Variants in USP36 observed in about 807,000 individuals in gnomAD.
USP36 encodes the protein ubiquitin specific peptidase 36, also known as ubiquitin carboxyl-terminal hydrolase 36.
USP36 carries 59 observed loss-of-function variants against 111.5 expected under a neutral mutation model. The ratio of observed to expected loss-of-function variants is 0.53; its 90% CI spans 0.43 to 0.66. The LOEUF (loss-of-function observed/expected upper bound fraction) is 0.66. Among genes scored for constraint, USP36 ranks in the 30% least tolerant of loss-of-function variants. USP36 has a pLI of 0.00. For synonymous variants in USP36, 628 were observed against 581.0 expected, an observed-to-expected ratio of 1.08 and a Z score of -1.16; for missense variants, 1,488 against 1,468.0, an observed-to-expected ratio of 1.01 and a Z score of -0.22.
intron 3 of USP36, among the ~76,000 whole-genome samples, chr17:78,789,644 CTG>C (rs1310287061): frequency 6.6e-6 from 1 of 152,212 alleles, no homozygotes; most frequent in South Asian, 2.1e-4. Flanking sequence ...GCAATTTCTT[CTG>C]TGTGTAAATG....
chr17:78,788,947 C>T (rs936748468), intron 3 of USP36, among the ~76,000 whole-genome samples: 2 of 152,066 alleles, frequency 1.3e-5, no homozygotes, highest in Non-Finnish European at 2.9e-5. Flanking sequence ...CGCCTGTAAT[C>T]CCAGCACTTT....
At chr17:78,832,781 T>C (rs1301991020) in intron 4 of USP36, among the ~76,000 whole-genome samples, 2 of 152,120 alleles carry the variant, frequency 1.3e-5, no homozygotes, top group African/African-American at 4.8e-5. Context: ...CAAATCTTAC[T>C]GAAAGTCCAC....
intron 6 of USP36, chr17:78,826,920 C>A (rs924706368): frequency 6.7e-6 from 4 of 595,188 alleles, no homozygotes; most frequent in African/African-American, 5.6e-5. Flanking sequence ...ATGGTAAGAA[C>A]TGAATGCCCC....
At chr17:78,835,032 T>C (rs924258149) in intron 4 of USP36, among the ~76,000 whole-genome samples, 1 of 151,124 alleles carries the variant, frequency 6.6e-6, no homozygotes, top group African/African-American at 2.4e-5. Context: ...GGAAGTATCT[T>C]TTGAAAACGT....
Position 78,803,965 on chromosome 17 carries a change from C to T in USP36, c.2230G>A (p.Ala744Thr). ...TGCAGGCGGCTGGATGATTGGGGAGCAGGTGACACAGCCCTGTGGGGACAG... is the reference window on the plus strand; with the variant it reads ...TGCAGGCGGCTGGATGATTGGGGAGTAGGTGACACAGCCCTGTGGGGACAG... ...PVHRARAVSP[A>T]PQSSSRLQPP... The change falls in exon 16 of 21, where the codon GCT becomes ACT. Residue 744 changes from alanine to threonine, a missense_variant. Ala to Thr is a moderately conservative substitution (Grantham distance 58, BLOSUM62 0). Around this residue, in one of 3 missense-constraint regions of USP36, gnomAD observed 1,073 missense variants for 994.1 expected, o/e 1.08. Transcript: ENST00000449938. The surrounding 1 kb of genome is among the most constrained non-coding windows in gnomAD (Gnocchi z 4.6). 1 of 1,594,888 alleles carries T rather than the reference C, an allele frequency of 6.3e-7. No individual in the cohort carries two copies. The highest frequency in any genetic ancestry group is 2.2e-5 in the East Asian group (1 of 44,794).
Position 78,803,354 on chromosome 17 carries a change from TA to T in USP36, c.2810+30del. ...GTTTTGCTTTGTTTCTCGTCAGAGG[TA>T]GACAGATGCCACTTTGCTCCTGCCC... On this transcript the variant is annotated intron_variant, in intron 16 of 20. Coordinates refer to ENST00000449938, the MANE Select transcript of USP36 (RefSeq NM_001385174.1). This position sits in a 1 kb window ranked among gnomAD's most constrained non-coding sequence, Gnocchi z 4.6. 6.3e-7 allele frequency: 1 copy of T among 1,594,540 alleles called. No individual in the cohort carries two copies. Among genetic ancestry groups the T allele is most frequent in the Non-Finnish European group, 8.6e-7 (1 of 1,166,970 alleles).
intron 8 of USP36, among the ~76,000 whole-genome samples, chr17:78,820,585 A>G (rs2094295177): frequency 6.6e-6 from 1 of 152,220 alleles, no homozygotes; most frequent in African/African-American, 2.4e-5. Flanking sequence ...TTGGCCCAGC[A>G]AAGGCAGACC....
intron 10 of USP36, among the ~76,000 whole-genome samples, chr17:78,815,142 G>C (rs1260345551): frequency 6.6e-6 from 1 of 152,092 alleles, no homozygotes; most frequent in East Asian, 1.9e-4. Flanking sequence ...GACCATCGTG[G>C]CCAAGATGGC....
At chr17:78,829,055 A>C in intron 4 of USP36, 48 bp from the exon 5 acceptor site, 3 of 1,554,212 alleles carry the variant, frequency 1.9e-6, no homozygotes, top group Non-Finnish European at 2.6e-6. Flanking sequence ...GCTTTCAAAG[A>C]ACTCACGGTG....
intron 10 of USP36, among the ~76,000 whole-genome samples, chr17:78,815,880 T>C (rs1281577400): frequency 5.3e-5 from 8 of 152,008 alleles, no homozygotes; most frequent in Non-Finnish European, 1.2e-4. Context: ...CGCATATACA[T>C]ACATGCACAA....
rs760833835 is a variant in USP36, at chr17:78,827,349, TAA to T, written c.587-4_587-3del. 1.2e-6 allele frequency: 2 copies of T among 1,608,032 alleles called. No individual in the cohort carries two copies. The highest frequency in any genetic ancestry group is 2.2e-5 in the East Asian group (1 of 44,734). On this transcript the variant is annotated splice_polypyrimidine_tract_variant and splice_region_variant and intron_variant, in intron 5 of 20. Transcript: ENST00000449938. ...CAAAGCGGAAGTGTCGGGCGATCTCTAAAAGAGGAAGAAACAGGGAGGGAAGA... is the reference window on the plus strand; with the variant it reads ...CAAAGCGGAAGTGTCGGGCGATCTCTAAGAGGAAGAAACAGGGAGGGAAGA...
intron 6 of USP36, chr17:78,826,481 G>C (rs1287768238): frequency 6.6e-6 from 1 of 152,252 alleles, no homozygotes; most frequent in Non-Finnish European, 1.5e-5. Flanking sequence ...TCTTATTTAC[G>C]TAAGAATATC....
intron 6 of USP36, among the ~76,000 whole-genome samples, chr17:78,823,692 G>GA (rs2094385482): frequency 6.6e-6 from 1 of 152,172 alleles, no homozygotes; most frequent in Non-Finnish European, 1.5e-5. Flanking sequence ...CTCAGGGGGA[G>GA]AAGGCAAAGA....
At chr17:78,841,258 C>G (rs1051254008), upstream of USP36, 2 of 152,470 alleles carry the variant, frequency 1.3e-5, no homozygotes, top group South Asian at 2.1e-4. Flanking sequence ...TGGGCTCCCC[C>G]ACCTGCCCCT....
chr17:78,820,063 G>A, intron 8 of USP36, 51 bp from the exon 9 acceptor site: 1 of 1,583,152 alleles, frequency 6.3e-7, no homozygotes, highest in Non-Finnish European at 8.7e-7. Context: ...GAAAAAGGCT[G>A]ATTCAAGAAA....
Position 78,798,051 on chromosome 17 carries a change from C to T in USP36, c.*21-172G>A. 4.1e-6 allele frequency: 1 copy of T among 243,742 alleles called. No homozygotes were observed. The allele number at this position is 243,742 out of a possible 1,614,324, so 15.1% of individuals were successfully genotyped here. A position where few individuals can be genotyped will look rare whatever the true frequency, so the allele number is the denominator to read the frequency against. ...GGACACATGCCAGATATACACACAA[C>T]CCACATCCCACACACACCCCACACA... is the stretch of plus-strand genomic sequence containing the variant. On this transcript the variant is annotated intron_variant, in intron 20 of 20. Transcript: ENST00000449938. The surrounding 1 kb of genome is among the most constrained non-coding windows in gnomAD (Gnocchi z 5.1).
downstream of USP36, among the ~76,000 whole-genome samples, chr17:78,793,982 G>A (rs1203899882): frequency 5.3e-5 from 8 of 152,052 alleles, no homozygotes; most frequent in Non-Finnish European, 8.8e-5. Flanking sequence ...TGAAACCATC[G>A]GTGAGCCGCT....
At chr17:78,825,668 G>C (rs1284296153) in intron 6 of USP36, among the ~76,000 whole-genome samples, 1 of 152,078 alleles carries the variant, frequency 6.6e-6, no homozygotes, top group Non-Finnish European at 1.5e-5. Context: ...TACTCCTCAC[G>C]AATTTCTTCC....
chr17:78,803,818 A>G lies in USP36; in HGVS notation c.2377T>C (p.Ser793Pro), dbSNP rs1483845614. ...ALPQVNEDLVSLPHQLPEASE... is the reference protein window; with the variant it reads ...ALPQVNEDLVPLPHQLPEASE... Reference sequence around the variant, plus strand: ...GCCTCTGGCAACTGGTGTGGAAGAGACACAAGGTCCTCGTTGACCTGAGGC... The same window carrying G: ...GCCTCTGGCAACTGGTGTGGAAGAGGCACAAGGTCCTCGTTGACCTGAGGC... The change falls in exon 16 of 21, where the codon TCT (serine) becomes CCT (proline). Residue 793 changes from serine to proline, a missense_variant. Ser to Pro is a moderately conservative substitution (Grantham distance 74). Transcript: ENST00000449938. This position sits in a 1 kb window ranked among gnomAD's most constrained non-coding sequence, Gnocchi z 4.6. 1 of 1,612,424 alleles carries G rather than the reference A, an allele frequency of 6.2e-7. No individual in the cohort carries two copies. The highest frequency in any genetic ancestry group is 2.2e-5 in the East Asian group (1 of 44,840).
Sources: gnomAD v4.1 joint callset for allele counts (sites outside exome capture counted in the v4.1 genomes callset) on GRCh38, gnomAD v4.1.1 for gene constraint, gnomAD v4.1.1 regional missense constraint, Gnocchi (gnomAD v3.1) non-coding constraint, MANE v1.5 for transcripts, NCBI Gene and HGNC (gene_info 2026-07-23, HGNC 2026-07-21) for gene names.